The following GCSAM variants were observed in gnomAD, a reference collection of about 807,000 sequenced individuals.
The protein encoded by GCSAM is germinal center associated signaling and motility.
In GCSAM, 8 loss-of-function variants were observed where a neutral mutation model predicts 17.6. The ratio of observed to expected loss-of-function variants is 0.46; its 90% confidence interval spans 0.27 to 0.82. The LOEUF (loss-of-function observed/expected upper bound fraction) is 0.82. Among genes scored for constraint, GCSAM ranks in the 40% least tolerant of loss-of-function variants. The pLI is 0.15. For synonymous variants in GCSAM, 68 were observed against 69.0 expected (o/e 0.98, Z 0.07); for missense variants, 192 against 213.5 (o/e 0.90, Z 0.63).
chr3:112,122,018 C>G lies in GCSAM; in HGVS notation c.*1437G>C, dbSNP rs960186054. The G allele has an allele frequency of 6.6e-6, 1 of 152,066 alleles. No homozygotes were observed. Among genetic ancestry groups the G allele is most frequent in the Non-Finnish European group, 1.5e-5 (1 of 68,034 alleles). The allele number at this position is 152,066 out of a possible 1,614,324, so 9.4% of individuals were successfully genotyped here. A position where few individuals can be genotyped will look rare whatever the true frequency, so the allele number is the denominator to read the frequency against. Reference sequence around the variant, plus strand: ...GCATCCCTAAAATTAGGACAGTAGCCGTGAGTTAAATAAAACAGCAAGTGG... The same window carrying G: ...GCATCCCTAAAATTAGGACAGTAGCGGTGAGTTAAATAAAACAGCAAGTGG... On this transcript the variant is annotated 3_prime_UTR_variant, in exon 6 of 6. Coordinates refer to ENST00000308910, the MANE Select transcript of GCSAM (RefSeq NM_152785.5).
Position 112,133,129 on chromosome 3 carries a change from TC to T in GCSAM, c.-10del. ...AGCAGAGAATTTCCCATCCTCTCAG[TC>T]CTCTCAGGGCTTCCCCTCCGTCCCT... On this transcript the variant is annotated 5_prime_UTR_variant, in exon 1 of 6. Transcript: ENST00000308910. The T allele has an allele frequency of 1.2e-6, 2 of 1,613,880 alleles. No individual in the cohort carries two copies. Among genetic ancestry groups the T allele is most frequent in the African/African-American group, 1.3e-5 (1 of 75,052 alleles).
chr3:112,129,565 C>G (rs563626838), intron 2 of GCSAM: 1 of 152,204 alleles, frequency 6.6e-6, no homozygotes, highest in African/African-American at 2.4e-5. Context: ...CCTTCTCTGG[C>G]TCTCTGGTCT....
At position 112,122,188 on chromosome 3, in the gene GCSAM, T is replaced by C. The variant is rs2074213702; in HGVS notation, c.*1267A>G. The stretch of plus-strand genomic sequence containing the variant: ...ACCAAACACATTTCTGTTAAGTTTC[T>C]CTCAAACTATAATCATTTAGGGCAG... On this transcript the variant is annotated 3_prime_UTR_variant, in exon 6 of 6. Transcript: ENST00000308910. 1 of 152,256 alleles carries C rather than the reference T, an allele frequency of 6.6e-6. No individual in the cohort carries two copies. Among genetic ancestry groups the C allele is most frequent in the Admixed American group, 6.5e-5 (1 of 15,286 alleles). 9.4% of individuals were successfully genotyped at this position (152,256 alleles called of 1,614,324 possible).
intron 5 of GCSAM, among the ~76,000 whole-genome samples, 160 bp from the exon 6 acceptor site, chr3:112,123,932 A>G (rs147793263): frequency 2.0e-3 from 298 of 152,082 alleles, no homozygotes; most frequent in Non-Finnish European, 3.6e-3. Context: ...TTCTACCCCA[A>G]CCACTAGGCT....
rs2074224416 is a variant in GCSAM at position 112,122,747 on chromosome 3, G to A, written c.*708C>T. On this transcript the variant is annotated 3_prime_UTR_variant, in exon 6 of 6. Transcript: ENST00000308910. ...AATTATCCTCTCTGAGCCAAAGAAG[G>A]GTAGTGGGATTACGGGATCTCCAAG... is the stretch of plus-strand genomic sequence containing the variant. 2 of 152,094 alleles carry A rather than the reference G, an allele frequency of 1.3e-5. No homozygotes were observed. The highest frequency in any genetic ancestry group is 2.1e-4 in the South Asian group (1 of 4,808). The allele number at this position is 152,094 out of a possible 1,614,324, so 9.4% of individuals were successfully genotyped here.
chr3:112,126,148 C>T (rs529195568), intron 4 of GCSAM, among the ~76,000 whole-genome samples: 4 of 152,228 alleles, frequency 2.6e-5, no homozygotes, highest in South Asian at 2.1e-4. Context: ...ATTTCTATTA[C>T]GTTTTGCTCT....
In GCSAM at chr3:112,130,465, G is replaced by A. The variant is rs201050831; in HGVS notation, c.78C>T (p.Ser26=). The change falls in exon 2 of 6, where the codon AGC becomes AGT. Residue 26 remains serine, a synonymous_variant. Transcript: ENST00000308910. The part of the protein sequence containing the change: ...QEMPWNVRMQ[S]PKQRTSRCWD... ...CTCACCTGGATGTTCTCTGTTTGGG[G>A]CTTTGCATTCTCACATTCCAAGGCA... 1.2e-5 allele frequency: 19 copies of A among 1,613,980 alleles called. No homozygotes were observed. The East Asian group carries it at 2.2e-4, about 19-fold the overall frequency.
rs777761027 is a variant in GCSAM, at chr3:112,123,777, T to C, written c.220-5A>G. On this transcript the variant is annotated splice_region_variant and splice_polypyrimidine_tract_variant and intron_variant, in intron 5 of 5. Transcript: ENST00000308910. ...GTAGGTCTGGTCAACATTGTCCTGC[T>C]TGTCAAAGAAGAACCATCATCAAGA... is the stretch of plus-strand genomic sequence containing the variant. The C allele has an allele frequency of 4.4e-6, 7 of 1,603,862 alleles. No homozygotes were observed. In the Admixed American group the frequency reaches 8.5e-5, roughly 19 times the overall value.
At chr3:112,126,681 T>A (rs1320582183) in intron 4 of GCSAM, among the ~76,000 whole-genome samples, 1 of 152,228 alleles carries the variant, frequency 6.6e-6, no homozygotes, top group East Asian at 1.9e-4. Context: ...TATCCCAGGC[T>A]GGCTTTCTTG....
In GCSAM at chr3:112,133,186, C is replaced by G. The variant is rs1460213959; in HGVS notation, c.-66G>C. 5.8e-6 allele frequency: 9 copies of G among 1,561,154 alleles called. No individual in the cohort carries two copies. The highest frequency in any genetic ancestry group is 7.9e-6 in the Non-Finnish European group (9 of 1,132,298). ...ACTTCCTTCTTGCCTTGTGCTCTGACAGGGCAACTCCTGACTTAAAGAAAG... is the reference window on the plus strand; with the variant it reads ...ACTTCCTTCTTGCCTTGTGCTCTGAGAGGGCAACTCCTGACTTAAAGAAAG... On this transcript the variant is annotated 5_prime_UTR_variant, in exon 1 of 6. Coordinates refer to ENST00000308910, the MANE Select transcript of GCSAM (RefSeq NM_152785.5).
intron 1 of GCSAM, chr3:112,130,835 A>G: frequency 2.7e-6 from 1 of 364,374 alleles, no homozygotes; most frequent in South Asian, 2.8e-5. Context: ...GAGAGGCCTG[A>G]GGTCCTCAGC....
At position 112,121,137 on chromosome 3, in the gene GCSAM, T is replaced by C. The variant is rs563288183; in HGVS notation, c.*2318A>G. The C allele has an allele frequency of 1.1e-4, 16 of 152,330 alleles. No homozygotes were observed. Among genetic ancestry groups the C allele is most frequent in the African/African-American group, 3.8e-4 (16 of 41,580 alleles). The allele number at this position is 152,330 out of a possible 1,614,324, so 9.4% of individuals were successfully genotyped here. ...ACATTTATATTTAATGTGTCCCTGA[T>C]AAAAGGCATATACTGTTTGGGACAG... On this transcript the variant is annotated 3_prime_UTR_variant, in exon 6 of 6. Transcript: ENST00000308910.
rs1179966751 is a variant in GCSAM at position 112,121,211 on chromosome 3, A to C, written c.*2244T>G. Reference sequence around the variant, plus strand: ...TCAAACAAATATAACTTACTATGTCATACTAAGAATATTTCAACCAGTCTA... The same window carrying C: ...TCAAACAAATATAACTTACTATGTCCTACTAAGAATATTTCAACCAGTCTA... On this transcript the variant is annotated 3_prime_UTR_variant, in exon 6 of 6. Transcript: ENST00000308910. 6.6e-6 allele frequency: 1 copy of C among 152,228 alleles called. No individual in the cohort carries two copies. Among genetic ancestry groups the C allele is most frequent in the Non-Finnish European group, 1.5e-5 (1 of 68,044 alleles). 9.4% of individuals were successfully genotyped at this position (152,228 alleles called of 1,614,324 possible).
In GCSAM at chr3:112,123,534, G is replaced by A. The variant is rs2074240317; in HGVS notation, c.458C>T (p.Pro153Leu). ...CAGAAAGTGAGAGGAGATTCTGTGA[G>A]GCATGAGAAGTTCATATTCATCTTC... ...SPEDEYELLM[P>L]HRISSHFLQQ... is the part of the protein sequence containing the mutation. The change falls in exon 6 of 6, where the codon CCT becomes CTT. Residue 153 changes from proline (P) to leucine (L), a missense_variant. Transcript: ENST00000308910. 4 of 1,614,218 alleles carry A rather than the reference G, an allele frequency of 2.5e-6. No individual in the cohort carries two copies. The highest frequency in any genetic ancestry group is 1.7e-5 in the Admixed American group (1 of 60,032).
rs891345742 is a variant in GCSAM, at chr3:112,126,342, A to G, written c.190+645T>C. Among the ~76,000 whole-genome samples, 4 of 152,142 alleles carry G rather than the reference A, an allele frequency of 2.6e-5. No homozygotes were observed. In the South Asian group the frequency reaches 8.3e-4, roughly 32 times the overall value. ...TCCATTTTTCTTCTTCAGAAACACA[A>G]TGGCTTGTCCTCAGGCCTACACTTT... On this transcript the variant is annotated intron_variant, in intron 4 of 5. Coordinates refer to ENST00000308910, the MANE Select transcript of GCSAM (RefSeq NM_152785.5).
chr3:112,130,765 C>T, intron 1 of GCSAM: 1 of 513,140 alleles, frequency 1.9e-6, no homozygotes, highest in South Asian at 2.1e-5. Context: ...GATCCTAAAT[C>T]ATCTGATCCC....
chr3:112,122,576 A>G lies in GCSAM; in HGVS notation c.*879T>C, dbSNP rs1203193402. On this transcript the variant is annotated 3_prime_UTR_variant, in exon 6 of 6. Coordinates refer to ENST00000308910, the MANE Select transcript of GCSAM (RefSeq NM_152785.5). ...ATTTTATTCATATTTTATACATGAC[A>G]TTATTAAATATATACATTTAGTATA... 6.6e-6 allele frequency: 1 copy of G among 152,210 alleles called. No individual in the cohort carries two copies. The highest frequency in any genetic ancestry group is 2.4e-5 in the African/African-American group (1 of 41,456). The allele number at this position is 152,210 out of a possible 1,614,324, so 9.4% of individuals were successfully genotyped here.
intron 2 of GCSAM, chr3:112,128,682 G>A (rs1492486): frequency 0.33 from 54,734 of 164,292 alleles, 9,531 homozygotes; most frequent in Admixed American, 0.41. Context: ...GACAACCCTG[G>A]TGCAGGAGGT....
Position 112,123,606 on chromosome 3 carries a change from G to T in GCSAM, c.386C>A (p.Ser129Ter). ...GTCTGTAGAAGGCATATGTAGAAGT[G>T]AATACTCAGTCTCAGTTCCTCCCAA... Reference protein sequence around the residue: ...ESLGGTETEYSLLHMPSTDPR... With the variant: ...ESLGGTETEY Residue 129 changes from serine to a stop codon, truncating the protein, a stop_gained, in exon 6 of 6, where the codon TCA becomes TAA. Coordinates refer to ENST00000308910, the MANE Select transcript of GCSAM (RefSeq NM_152785.5). LOFTEE classifies it low-confidence loss of function (END_TRUNC). 1 of 1,614,080 alleles carries T rather than the reference G, an allele frequency of 6.2e-7. No homozygotes were observed. Among genetic ancestry groups the T allele is most frequent in the Non-Finnish European group, 8.5e-7 (1 of 1,179,966 alleles).
Sources: allele counts gnomAD v4.1 joint callset (sites outside exome capture counted in the v4.1 genomes callset), GRCh38; gene constraint gnomAD v4.1.1; transcripts MANE v1.5; gene names NCBI Gene and HGNC (gene_info 2026-07-23, HGNC 2026-07-21).